MRAS: variants seen among roughly 807,000 people sequenced by gnomAD.
MRAS encodes ras-related protein M-Ras.
Under a neutral mutation model 20.9 loss-of-function variants are expected in MRAS, and 4 were observed. The ratio of observed to expected loss-of-function variants is 0.19; its 90% CI spans 0.09 to 0.44. The LOEUF (loss-of-function observed/expected upper bound fraction) is 0.44. Ranked by LOEUF, MRAS falls within the 20% of genes least tolerant of loss-of-function variation. MRAS has a pLI of 0.99. For missense variants in MRAS, 154 were observed against 277.5 expected, an observed-to-expected ratio of 0.56 and a Z score of 3.16; for synonymous variants, 98 against 102.9, an observed-to-expected ratio of 0.95 and a Z score of 0.29.
At chr3:138,373,269 G>T (rs78890899) in intron 2 of MRAS, among the ~76,000 whole-genome samples, 193 bp downstream of exon 2, 2 of 152,150 alleles carry the variant, frequency 1.3e-5, no homozygotes, top group East Asian at 1.9e-4. Flanking sequence ...GCAAGATTTC[G>T]TGGAAACCAA....
intron 1 of MRAS, among the ~76,000 whole-genome samples, chr3:138,352,673 C>T (rs1229215091): frequency 1.3e-5 from 2 of 152,018 alleles, no homozygotes; most frequent in Admixed American, 1.3e-4. Flanking sequence ...GTATAGTCCT[C>T]GCATCAGGCT....
chr3:138,350,920 G>A (rs1432246537), intron 1 of MRAS, among the ~76,000 whole-genome samples: 2 of 147,100 alleles, frequency 1.4e-5, no homozygotes, highest in Admixed American at 1.4e-4. Context: ...TCCAGCTTGG[G>A]TGACAGAGCA....
chr3:138,387,062 A>G (rs1189302615), intron 2 of MRAS, among the ~76,000 whole-genome samples: 1 of 152,162 alleles, frequency 6.6e-6, no homozygotes, highest in Non-Finnish European at 1.5e-5. Context: ...TGTGGAATTT[A>G]TCTCCTGGTA....
intron 2 of MRAS, among the ~76,000 whole-genome samples, chr3:138,375,907 G>A (rs1039542126): frequency 2.0e-5 from 3 of 151,978 alleles, no homozygotes; most frequent in African/African-American, 7.3e-5. Context: ...AGAATCACTT[G>A]AGCTCAGGAG....
At chr3:138,352,505 G>T (rs574959760) in intron 1 of MRAS, among the ~76,000 whole-genome samples, 71 of 151,946 alleles carry the variant, frequency 4.7e-4, no homozygotes, top group African/African-American at 1.5e-3. Flanking sequence ...TGATTTTTTT[G>T]GTTATATGTT....
In MRAS at chr3:138,359,015, G is replaced by A. The variant is rs529020083; in HGVS notation, c.-19+10248G>A. ...GCCAAGGTTATACAGCTAGCAGAGG[G>A]GCTTTGATTCATGACTTTTTATAAA... is the stretch of plus-strand genomic sequence containing the variant. On this transcript the variant is annotated intron_variant, in intron 1 of 5. Coordinates refer to ENST00000423968, the MANE Select transcript of MRAS (RefSeq NM_001085049.3). Among the ~76,000 whole-genome samples, 32 of 152,224 alleles carry A rather than the reference G, an allele frequency of 2.1e-4. 1 individual carries two copies. The South Asian group carries it at 5.0e-3, about 24-fold the overall frequency.
chr3:138,375,416 G>A (rs1481083554), intron 2 of MRAS, among the ~76,000 whole-genome samples: 2 of 152,172 alleles, frequency 1.3e-5, no homozygotes, highest in Admixed American at 6.5e-5. Context: ...CAATTTTCTG[G>A]AAGAGTTTGA....
intron 1 of MRAS, among the ~76,000 whole-genome samples, chr3:138,372,098 A>G (rs2054686786): frequency 6.6e-6 from 1 of 151,942 alleles, no homozygotes; most frequent in South Asian, 2.1e-4. Flanking sequence ...GCATTGTACA[A>G]TCCCTGGTCT....
chr3:138,349,440 G>C (rs921413621), intron 1 of MRAS: 4 of 152,412 alleles, frequency 2.6e-5, no homozygotes, highest in Non-Finnish European at 4.4e-5. Context: ...CCCTACTGCA[G>C]AGTGGGAGGT....
intron 1 of MRAS, among the ~76,000 whole-genome samples, chr3:138,367,012 G>C (rs549073090): frequency 6.6e-6 from 1 of 152,274 alleles, no homozygotes; most frequent in South Asian, 2.1e-4. Flanking sequence ...CTAGAACCTG[G>C]AAGCCTGAGG....
intron 1 of MRAS, among the ~76,000 whole-genome samples, chr3:138,368,867 C>G (rs2054617670): frequency 6.6e-6 from 1 of 152,162 alleles, no homozygotes; most frequent in African/African-American, 2.4e-5. Flanking sequence ...TTGACCTCCC[C>G]ATCTGCAAAG....
intron 1 of MRAS, among the ~76,000 whole-genome samples, chr3:138,365,878 G>C (rs150446435): frequency 1.1e-4 from 17 of 152,324 alleles, no homozygotes; most frequent in African/African-American, 3.6e-4. Flanking sequence ...CCACCTACTT[G>C]CCCTTGAGAC....
intron 2 of MRAS, among the ~76,000 whole-genome samples, chr3:138,393,140 A>G (rs1291685962): frequency 6.6e-6 from 1 of 152,166 alleles, no homozygotes; most frequent in East Asian, 1.9e-4. Context: ...CCTGGCTCCT[A>G]CCCTCACACA....
intron 1 of MRAS, among the ~76,000 whole-genome samples, chr3:138,362,081 G>C (rs763337887): frequency 6.6e-6 from 1 of 152,142 alleles, no homozygotes; most frequent in Non-Finnish European, 1.5e-5. Flanking sequence ...ACTGTGAGGG[G>C]CTGGGGTAGG....
At chr3:138,405,535 A>G (rs576936015), downstream of MRAS, 78 of 152,572 alleles carry the variant, frequency 5.1e-4, no homozygotes, top group African/African-American at 1.5e-3. Flanking sequence ...AGAAACACGT[A>G]TCTGTCTTAG....
At chr3:138,391,107 C>G (rs986756794) in intron 2 of MRAS, among the ~76,000 whole-genome samples, 3 of 152,014 alleles carry the variant, frequency 2.0e-5, no homozygotes, top group African/African-American at 7.2e-5. Context: ...GCTACTTTCC[C>G]CTCCTCCTAC....
chr3:138,358,448 T>C (rs537770825), intron 1 of MRAS, among the ~76,000 whole-genome samples: 2 of 152,370 alleles, frequency 1.3e-5, no homozygotes, highest in South Asian at 4.1e-4. Context: ...GCTGGGATTA[T>C]TAAGCTATCA....
rs1278457780 is a variant in MRAS at position 138,403,327 on chromosome 3, A to C, written c.*1058A>C. On this transcript the variant is annotated 3_prime_UTR_variant, in exon 6 of 6. Transcript: ENST00000423968. ...TAACCTAATGTGGACACCATCCAGA[A>C]AACTCCAGTTCATGCTGGATCTTAA... The C allele has an allele frequency of 1.3e-5, 2 of 152,236 alleles. No homozygotes were observed. Among genetic ancestry groups the C allele is most frequent in the Non-Finnish European group, 2.9e-5 (2 of 68,044 alleles). The allele number at this position is 152,236 out of a possible 1,614,324, so 9.4% of individuals were successfully genotyped here.
At chr3:138,393,486 A>G (rs546234027) in intron 2 of MRAS, among the ~76,000 whole-genome samples, 2 of 152,112 alleles carry the variant, frequency 1.3e-5, no homozygotes, top group African/African-American at 2.4e-5. Context: ...AGCCTGGGTG[A>G]TATAATTTCT....
Sources: gnomAD v4.1 joint callset for allele counts (sites outside exome capture counted in the v4.1 genomes callset) on GRCh38, gnomAD v4.1.1 for gene constraint, MANE v1.5 for transcripts, NCBI Gene and HGNC (gene_info 2026-07-23, HGNC 2026-07-21) for gene names.